Variants in CHMP4B observed in about 807,000 individuals in gnomAD.
The protein encoded by CHMP4B is SNF7 homolog associated with Alix 1.
In CHMP4B, 1 loss-of-function variant was observed where a neutral mutation model predicts 25.1. The observed-to-expected ratio is 0.04, with a 90% confidence interval of 0.01 to 0.19. The LOEUF is 0.19. Among genes scored for constraint, CHMP4B ranks in the 10% least tolerant of loss-of-function variants. The pLI, the probability that CHMP4B is intolerant of heterozygous loss-of-function variation, is 1.00. For missense variants in CHMP4B, 151 were observed against 289.7 expected, an observed-to-expected ratio of 0.52 and a Z score of 3.48; for synonymous variants, 101 against 115.6, an observed-to-expected ratio of 0.87 and a Z score of 0.81.
chr20:33,852,024 G>A lies in CHMP4B; in HGVS notation c.484-53G>A, dbSNP rs908580249. ...CATTAATTAGGTAGGAGGCATGACC[G>A]CGGGGGCTGGGATTCCCAGGGAGGG... On this transcript the variant is annotated intron_variant, in intron 3 of 4. Coordinates refer to ENST00000217402, the MANE Select transcript of CHMP4B (RefSeq NM_176812.5). The A allele has an allele frequency of 1.2e-5, 20 of 1,611,892 alleles. No individual in the cohort carries two copies. The East Asian group carries it at 1.8e-4, about 14-fold the overall frequency.
chr20:33,850,146 G>A (rs570730172), intron 2 of CHMP4B, among the ~76,000 whole-genome samples: 8 of 152,318 alleles, frequency 5.3e-5, no homozygotes, highest in Non-Finnish European at 2.9e-5. Flanking sequence ...TTTGTGCTAC[G>A]CAGCAGGGTT....
At chr20:33,824,787 A>G (rs890244976) in intron 1 of CHMP4B, among the ~76,000 whole-genome samples, 8 of 146,980 alleles carry the variant, frequency 5.4e-5, no homozygotes, top group Non-Finnish European at 7.5e-5. Context: ...ATACCTCCCC[A>G]TCCAGTTGTG....
chr20:33,844,925 A>G (rs1468612618), intron 1 of CHMP4B, among the ~76,000 whole-genome samples: 1 of 151,792 alleles, frequency 6.6e-6, no homozygotes, highest in Non-Finnish European at 1.5e-5. Context: ...CACCCGGCTA[A>G]TTTTTTTGTA....
At chr20:33,847,351 A>C (rs2122813265) in intron 1 of CHMP4B, among the ~76,000 whole-genome samples, 1 of 152,240 alleles carries the variant, frequency 6.6e-6, no homozygotes, top group African/African-American at 2.4e-5. Flanking sequence ...AACCAGCTCA[A>C]AATATGCCAA....
chr20:33,846,926 G>A (rs2122812905), intron 1 of CHMP4B, among the ~76,000 whole-genome samples: 1 of 152,356 alleles, frequency 6.6e-6, no homozygotes, highest in East Asian at 1.9e-4. Flanking sequence ...GCAAAAAATA[G>A]CTTCCCTTCT....
intron 1 of CHMP4B, among the ~76,000 whole-genome samples, chr20:33,828,067 A>C (rs1979141713): frequency 6.6e-6 from 1 of 152,216 alleles, no homozygotes; most frequent in South Asian, 2.1e-4. Context: ...GTAAACATTT[A>C]CCCACCTGGT....
At chr20:33,849,884 TCTC>T (rs1979800059) in intron 2 of CHMP4B, among the ~76,000 whole-genome samples, 2 of 152,220 alleles carry the variant, frequency 1.3e-5, no homozygotes, top group Non-Finnish European at 1.5e-5. Flanking sequence ...CAAGCCATCC[TCTC>T]ACTTCAGCCT....
rs540029853 is a variant in CHMP4B at position 33,838,929 on chromosome 20, T to C, written c.191-9538T>C. Among the ~76,000 whole-genome samples the C allele has an allele frequency of 3.3e-5, 5 of 152,256 alleles. No homozygotes were observed. The East Asian group carries it at 9.6e-4, about 29-fold the overall frequency. On this transcript the variant is annotated intron_variant, in intron 1 of 4. Transcript: ENST00000217402. Reference sequence around the variant, plus strand: ...TTCCCTTTGGTGACCCTGACTCCCGTGGCCATTTCTCTCCTTCCTTATGCC... The same window carrying C: ...TTCCCTTTGGTGACCCTGACTCCCGCGGCCATTTCTCTCCTTCCTTATGCC...
chr20:33,851,180 G>A, intron 3 of CHMP4B, 114 bp downstream of exon 3: 2 of 763,582 alleles, frequency 2.6e-6, no homozygotes, highest in Non-Finnish European at 4.7e-6. Context: ...ACAGAGACAG[G>A]GCATGGTGTT....
intron 2 of CHMP4B, among the ~76,000 whole-genome samples, chr20:33,850,091 G>A (rs1006967692): frequency 6.6e-6 from 1 of 152,182 alleles, no homozygotes. Flanking sequence ...AAGTTTTATT[G>A]AAATACAGTC....
In CHMP4B at chr20:33,811,532, C is replaced by A. The variant is rs751634469; in HGVS notation, c.64C>A (p.Pro22Thr). ...TAAGGCCGGCAAGGGCGGCCCGACCCCCCAGGAGGCCATCCAGCGGCTGCG... is the reference window on the plus strand; with the variant it reads ...TAAGGCCGGCAAGGGCGGCCCGACCACCCAGGAGGCCATCCAGCGGCTGCG... ...GGKAGKGGPT[P>T]QEAIQRLRDT... is the part of the protein sequence containing the mutation. Residue 22 changes from proline (P) to threonine (T), a missense_variant, in exon 1 of 5, where the codon CCC (proline) becomes ACC (threonine). Physicochemically the swap from Pro to Thr is conservative, Grantham distance 38. Transcript: ENST00000217402. 1 of 1,609,868 alleles carries A rather than the reference C, an allele frequency of 6.2e-7. No individual in the cohort carries two copies. Among genetic ancestry groups the A allele is most frequent in the Non-Finnish European group, 8.5e-7 (1 of 1,178,242 alleles).
intron 1 of CHMP4B, among the ~76,000 whole-genome samples, chr20:33,817,141 C>T (rs1325055979): frequency 6.6e-6 from 1 of 152,214 alleles, no homozygotes; most frequent in Admixed American, 6.5e-5. Flanking sequence ...TCTCTTATCC[C>T]AGAGGCCCAG....
At chr20:33,812,655 C>T (rs1978666690) in intron 1 of CHMP4B, among the ~76,000 whole-genome samples, 1 of 152,228 alleles carries the variant, frequency 6.6e-6, no homozygotes, top group Non-Finnish European at 1.5e-5. Context: ...CACAGAACGA[C>T]ATCCCTTCCC....
intron 1 of CHMP4B, among the ~76,000 whole-genome samples, chr20:33,812,580 C>T: frequency 6.6e-6 from 1 of 152,206 alleles, no homozygotes; most frequent in East Asian, 1.9e-4. Flanking sequence ...TGTGAAAATG[C>T]TTTAAAACTG....
intron 1 of CHMP4B, among the ~76,000 whole-genome samples, chr20:33,832,976 A>G (rs894958296): frequency 6.6e-6 from 1 of 151,098 alleles, no homozygotes; most frequent in Non-Finnish European, 1.5e-5. Context: ...TTTTGTAGAG[A>G]CAGGGTCTTA....
chr20:33,819,105 T>C (rs957342206), intron 1 of CHMP4B, among the ~76,000 whole-genome samples: 1 of 152,142 alleles, frequency 6.6e-6, no homozygotes, highest in Non-Finnish European at 1.5e-5. Flanking sequence ...AGAGACGAGG[T>C]TTCACCATGT....
At chr20:33,840,264 G>A (rs1217736454) in intron 1 of CHMP4B, among the ~76,000 whole-genome samples, 2 of 151,680 alleles carry the variant, frequency 1.3e-5, no homozygotes, top group Non-Finnish European at 2.9e-5. Context: ...AAAAGGGGGG[G>A]GACAGGACAG....
intron 1 of CHMP4B, among the ~76,000 whole-genome samples, chr20:33,828,670 A>G (rs2122792926): frequency 6.6e-6 from 1 of 152,166 alleles, no homozygotes; most frequent in Non-Finnish European, 1.5e-5. Context: ...CTTTCGGCTC[A>G]TTTTACAGGA....
At chr20:33,831,886 T>TG (rs1290919730) in intron 1 of CHMP4B, among the ~76,000 whole-genome samples, 1 of 152,180 alleles carries the variant, frequency 6.6e-6, no homozygotes, top group Non-Finnish European at 1.5e-5. Flanking sequence ...GTGTCTGACC[T>TG]GTGCCCCATT....
Sources: allele counts gnomAD v4.1 joint callset (sites outside exome capture counted in the v4.1 genomes callset), GRCh38; gene constraint gnomAD v4.1.1; transcripts MANE v1.5; gene names NCBI Gene and HGNC (gene_info 2026-07-23, HGNC 2026-07-21).